The following ZNF536 variants were observed in gnomAD, a reference collection of about 807,000 sequenced individuals.
ZNF536 encodes zinc finger protein 536.
Under a neutral mutation model 84.5 loss-of-function variants are expected in ZNF536, and 13 were observed. The ratio of observed to expected loss-of-function variants is 0.15; its 90% CI spans 0.10 to 0.24. The LOEUF is 0.24. Among genes scored for constraint, ZNF536 ranks in the 10% least tolerant of loss-of-function variants. ZNF536 has a pLI of 1.00. For synonymous variants in ZNF536, 811 were observed against 742.5 expected (o/e 1.09, Z -1.50); for missense variants, 1,536 against 1,747.5 (o/e 0.88, Z 2.16).
At chr19:30,286,548 A>AGAGAGAGAGAGAG (rs1568305284) in intron 2 of ZNF536, among the ~76,000 whole-genome samples, 7 of 92,580 alleles carry the variant, frequency 7.6e-5, no homozygotes, top group Admixed American at 3.1e-4. Flanking sequence ...GAGAGAGAGA[A>AGAGAGAGAGAGAG]AGAGAGAGAC....
chr19:30,281,811 T>C (rs1261562617), intron 1 of ZNF536, among the ~76,000 whole-genome samples: 1 of 152,168 alleles, frequency 6.6e-6, no homozygotes, highest in African/African-American at 2.4e-5. Context: ...TTGTCGCCTT[T>C]GCAATCTTCC....
chr19:30,279,708 C>T (rs933268038), intron 1 of ZNF536, among the ~76,000 whole-genome samples: 1 of 152,194 alleles, frequency 6.6e-6, no homozygotes, highest in Non-Finnish European at 1.5e-5. Context: ...AGAGAGCCTG[C>T]TCTTGGTAGA....
chr19:30,609,086 T>C (rs1221502455), intron 1 of ZNF536, among the ~76,000 whole-genome samples: 2 of 152,266 alleles, frequency 1.3e-5, no homozygotes, highest in East Asian at 3.8e-4. Flanking sequence ...TGATTGCTTC[T>C]AGACTATCAT....
At chr19:30,407,484 T>A (rs2050309482) in intron 1 of ZNF536, among the ~76,000 whole-genome samples, 2 of 152,140 alleles carry the variant, frequency 1.3e-5, no homozygotes, top group South Asian at 4.2e-4. Flanking sequence ...TACCCGGAGA[T>A]CCCACAGGGT....
At chr19:30,555,738 A>G (rs1206171568) in intron 4 of ZNF536, 1 of 152,248 alleles carries the variant, frequency 6.6e-6, no homozygotes. Context: ...AGGCTGTGAT[A>G]CACAGGCTAT....
At chr19:30,257,292 G>A (rs2024961186) in intron 1 of ZNF536, among the ~76,000 whole-genome samples, 1 of 152,202 alleles carries the variant, frequency 6.6e-6, no homozygotes, top group South Asian at 2.1e-4. Context: ...CTTTAATGTT[G>A]AGCACTGCAA....
At chr19:30,392,490 C>T (rs1183578288) in intron 1 of ZNF536, among the ~76,000 whole-genome samples, 1 of 152,180 alleles carries the variant, frequency 6.6e-6, no homozygotes, top group South Asian at 2.1e-4. Flanking sequence ...CAGCAATTAT[C>T]TGCGGTTAGC....
chr19:30,613,287 G>C (rs935821326), intron 1 of ZNF536, among the ~76,000 whole-genome samples: 2 of 152,094 alleles, frequency 1.3e-5, no homozygotes, highest in African/African-American at 4.8e-5. Context: ...AGACAACACG[G>C]GTCCTTTTTC....
intron 1 of ZNF536, among the ~76,000 whole-genome samples, chr19:30,593,901 C>T (rs1208493758): frequency 6.6e-6 from 1 of 152,160 alleles, no homozygotes; most frequent in Non-Finnish European, 1.5e-5. Context: ...AAAGTAGAGC[C>T]TTGTAGACAC....
chr19:30,259,571 CA>C (rs1334115146), intron 1 of ZNF536, among the ~76,000 whole-genome samples: 1 of 152,180 alleles, frequency 6.6e-6, no homozygotes, highest in African/African-American at 2.4e-5. Flanking sequence ...GCCACTGCTT[CA>C]GGGGTTATAA....
chr19:30,552,747 C>A (rs2045828320), intron 4 of ZNF536, among the ~76,000 whole-genome samples: 1 of 152,186 alleles, frequency 6.6e-6, no homozygotes, highest in African/African-American at 2.4e-5. Flanking sequence ...GAAGGAGAGC[C>A]ACCGAGGGGA....
chr19:30,646,506 C>T lies in ZNF536; in HGVS notation c.170-64251C>T, dbSNP rs569316406. Among the ~76,000 whole-genome samples, 167 of 152,296 alleles carry T rather than the reference C, an allele frequency of 1.1e-3. 1 individual carries two copies. The highest frequency in any genetic ancestry group is 2.1e-3 in the South Asian group (10 of 4,826). On this transcript the variant is annotated intron_variant, in intron 1 of 1. Coordinates refer to the ZNF536 transcript ENST00000592773. ...GAATGTGTGCATGTGCGGGTGTGTG[C>T]GTGCTTCTGCATGAAGCCATCGGTG...
intron 1 of ZNF536, among the ~76,000 whole-genome samples, chr19:30,400,960 TC>T (rs1407602731): frequency 1.3e-5 from 2 of 152,230 alleles, no homozygotes; most frequent in Non-Finnish European, 2.9e-5. Flanking sequence ...ATGATTTTTT[TC>T]CTATATTATC....
chr19:30,710,561 T>C (rs1345454422), intron 1 of ZNF536, among the ~76,000 whole-genome samples: 1 of 152,158 alleles, frequency 6.6e-6, no homozygotes, highest in Admixed American at 6.5e-5. Context: ...AACAAAAATA[T>C]TCAGGGATGG....
intron 2 of ZNF536, among the ~76,000 whole-genome samples, chr19:30,320,844 C>G (rs1224236050): frequency 6.6e-6 from 1 of 152,144 alleles, no homozygotes; most frequent in Non-Finnish European, 1.5e-5. Flanking sequence ...GGAGAAGGCC[C>G]ACTGTGCGCC....
rs560912320 is a variant in ZNF536, at chr19:30,614,461, C to T, written c.169+64947C>T. Among the ~76,000 whole-genome samples the T allele has an allele frequency of 5.0e-4, 39 of 78,502 alleles. No homozygotes were observed. The South Asian group carries it at 5.8e-3, about 12-fold the overall frequency. 51.5% of individuals were successfully genotyped at this position (78,502 alleles called of 152,430 possible). On this transcript the variant is annotated intron_variant, in intron 1 of 1. Coordinates refer to the ZNF536 transcript ENST00000592773. ...AAGGGCAGTGGGGACTGGGCGGGGG[C>T]GGGGGAGAGAGAGAGAGAGAGAAAG...
At chr19:30,347,285 C>G (rs1258234671) in intron 2 of ZNF536, among the ~76,000 whole-genome samples, 1 of 152,070 alleles carries the variant, frequency 6.6e-6, no homozygotes, top group Non-Finnish European at 1.5e-5. Flanking sequence ...ATCGGTGGAG[C>G]TTTGGTAGAA....
At chr19:30,625,558 G>A (rs2048644557) in intron 1 of ZNF536, among the ~76,000 whole-genome samples, 2 of 152,226 alleles carry the variant, frequency 1.3e-5, no homozygotes, top group African/African-American at 2.4e-5. Flanking sequence ...TGGCATTACT[G>A]CATCCACCTT....
chr19:30,610,337 G>C (rs1475690211), intron 1 of ZNF536, among the ~76,000 whole-genome samples: 1 of 152,222 alleles, frequency 6.6e-6, no homozygotes, highest in African/African-American at 2.4e-5. Context: ...GCAGTTCCAA[G>C]AGGCTGGGAG....
Sources: gnomAD v4.1 joint callset for allele counts (sites outside exome capture counted in the v4.1 genomes callset) on GRCh38, gnomAD v4.1.1 for gene constraint, MANE v1.5 for transcripts, NCBI Gene and HGNC (gene_info 2026-07-23, HGNC 2026-07-21) for gene names.